Variants in SLC9A3 observed in about 807,000 individuals in gnomAD.
SLC9A3 encodes the protein sodium/hydrogen exchanger 3.
In SLC9A3, 37 loss-of-function variants were observed where a neutral mutation model predicts 86.8. The ratio of observed to expected loss-of-function variants is 0.43; its 90% CI spans 0.33 to 0.56. The LOEUF is 0.56. Among genes scored for constraint, SLC9A3 ranks in the 20% least tolerant of loss-of-function variants. The pLI is 0.06. For synonymous variants in SLC9A3, 581 were observed against 528.3 expected (o/e 1.10, Z -1.37); for missense variants, 1,011 against 1,171.9 (o/e 0.86, Z 2.00).
chr5:507,077 A>T (rs1488897348), intron 1 of SLC9A3, among the ~76,000 whole-genome samples: 11 of 126,672 alleles, frequency 8.7e-5, no homozygotes, highest in Non-Finnish European at 1.8e-4. Context: ...ACTGTCTCAA[A>T]AAATAAATAA....
Position 491,502 on chromosome 5 carries a change from A to T in SLC9A3, c.514+267T>A, listed in dbSNP as rs1739736812. 6.6e-6 allele frequency among the ~76,000 whole-genome samples: 1 copy of T among 151,978 alleles called. No homozygotes were observed. The highest frequency in any genetic ancestry group is 1.5e-5 in the Non-Finnish European group (1 of 67,990). On this transcript the variant is annotated intron_variant, in intron 2 of 16. Coordinates refer to ENST00000264938, the MANE Select transcript of SLC9A3 (RefSeq NM_004174.4). This position sits in a 1 kb window ranked among gnomAD's most constrained non-coding sequence, Gnocchi z 9.2. The stretch of plus-strand genomic sequence containing the variant: ...TACCTCTGCCCAGTGCCGGAGGAAG[A>T]GCGGCAGCCCCTGGCCACCTGCAGC...
At chr5:501,523 G>A (rs995658615) in intron 1 of SLC9A3, among the ~76,000 whole-genome samples, 1 of 152,186 alleles carries the variant, frequency 6.6e-6, no homozygotes, top group African/African-American at 2.4e-5. Flanking sequence ...TCCACAGGCA[G>A]GCGCAGACAC....
chr5:521,758 G>A (rs36124859), intron 1 of SLC9A3, among the ~76,000 whole-genome samples: 130 of 152,318 alleles, frequency 8.5e-4, no homozygotes, highest in Non-Finnish European at 1.5e-3. Flanking sequence ...TGAAGGCCTG[G>A]ACCTGAGGGT....
At chr5:498,240 C>T (rs1318431449) in intron 1 of SLC9A3, among the ~76,000 whole-genome samples, 1 of 152,066 alleles carries the variant, frequency 6.6e-6, no homozygotes, top group Admixed American at 6.5e-5. Flanking sequence ...TGAACGCCCC[C>T]GTTCCACTTC....
chr5:483,879 C>T (rs112928323), intron 5 of SLC9A3, among the ~76,000 whole-genome samples: 3,182 of 152,360 alleles, frequency 0.021, 113 homozygotes, highest in African/African-American at 0.073. Context: ...AGCCTGGGAG[C>T]GCCAGCGGAG....
At position 475,074 on chromosome 5, in the gene SLC9A3, C is replaced by T. The variant is rs1168302966; in HGVS notation, c.2310G>A (p.Arg770=). The T allele has an allele frequency of 1.2e-6, 2 of 1,611,634 alleles. No homozygotes were observed. Among genetic ancestry groups the T allele is most frequent in the Admixed American group, 1.7e-5 (1 of 59,958 alleles). The part of the protein sequence containing the change: ...DEALDRSLLA[R]LPPWLSPGET... ...CCCCGGGAGACAGCCAGGGCGGCAG[C>T]CTGGCCAGGAGGCTGCGGTCCAGGG... is the stretch of plus-strand genomic sequence containing the variant. The change falls in exon 16 of 17, where the codon AGG becomes AGA. Residue 770 remains arginine, a synonymous_variant. Coordinates refer to ENST00000264938, the MANE Select transcript of SLC9A3 (RefSeq NM_004174.4).
At chr5:509,478 G>A (rs2126649450) in intron 1 of SLC9A3, among the ~76,000 whole-genome samples, 1 of 139,470 alleles carries the variant, frequency 7.2e-6, no homozygotes, top group South Asian at 2.4e-4. Context: ...AGGGAAGGAG[G>A]GAGGGAGGGA....
intron 1 of SLC9A3, among the ~76,000 whole-genome samples, chr5:510,817 G>A (rs981217711): frequency 6.6e-6 from 1 of 152,172 alleles, no homozygotes; most frequent in African/African-American, 2.4e-5. Context: ...TGCAGGGGTG[G>A]GCGGGAAGAT....
chr5:488,956 C>T (rs111275646), intron 2 of SLC9A3, among the ~76,000 whole-genome samples: 16,809 of 152,122 alleles, frequency 0.11, 1,231 homozygotes, highest in Non-Finnish European at 0.15. Context: ...AGCAGGGCTG[C>T]GGTGGGAGCA....
At chr5:489,725 C>T (rs1473437813) in intron 2 of SLC9A3, among the ~76,000 whole-genome samples, 1 of 152,204 alleles carries the variant, frequency 6.6e-6, no homozygotes, top group Non-Finnish European at 1.5e-5. Flanking sequence ...CCTTCAAGGT[C>T]ATCTTTAAAC....
chr5:513,559 G>A (rs560060540), intron 1 of SLC9A3, among the ~76,000 whole-genome samples: 39 of 152,152 alleles, frequency 2.6e-4, no homozygotes, highest in African/African-American at 9.2e-4. Context: ...CAGAGAACGC[G>A]TCAGCCCCAT....
chr5:486,196 G>C (rs538319650), intron 3 of SLC9A3, among the ~76,000 whole-genome samples: 4 of 152,102 alleles, frequency 2.6e-5, no homozygotes, highest in Non-Finnish European at 5.9e-5. Context: ...CCTTCCCTCC[G>C]GCTGCGTCTG....
intron 1 of SLC9A3, among the ~76,000 whole-genome samples, chr5:494,008 G>A (rs1353274739): frequency 2.0e-5 from 3 of 152,352 alleles, no homozygotes; most frequent in Non-Finnish European, 2.9e-5. Context: ...TGGGGAACAC[G>A]GAGGGTGAGC....
Position 476,617 on chromosome 5 carries a change from G to C in SLC9A3, c.1816C>G (p.Arg606Gly). Reference sequence around the variant, plus strand: ...ATGTCCTCCGCGTCCCGGATGCTCCGCCGTCGCTGCTCCAGAGACTGCATG... The same window carrying C: ...ATGTCCTCCGCGTCCCGGATGCTCCCCCGTCGCTGCTCCAGAGACTGCATG... ...LDMQSLEQRRRSIRDAEDMVT... is the reference protein window; with the variant it reads ...LDMQSLEQRRGSIRDAEDMVT... Residue 606 changes from arginine (R) to glycine (G), a missense_variant, in exon 12 of 17, where the codon CGG (arginine) becomes GGG (glycine). Arg to Gly is a moderately radical substitution (Grantham distance 125). Around this residue, in one of 3 missense-constraint regions of SLC9A3, gnomAD observed 397 missense variants for 346.3 expected, o/e 1.15. Coordinates refer to ENST00000264938, the MANE Select transcript of SLC9A3 (RefSeq NM_004174.4). 1 of 1,609,536 alleles carries C rather than the reference G, an allele frequency of 6.2e-7. No homozygotes were observed. The highest frequency in any genetic ancestry group is 8.5e-7 in the Non-Finnish European group (1 of 1,179,878).
At chr5:487,604 G>A (rs1739531564) in intron 3 of SLC9A3, among the ~76,000 whole-genome samples, 1 of 152,064 alleles carries the variant, frequency 6.6e-6, no homozygotes, top group Non-Finnish European at 1.5e-5. Context: ...CTGCACCTGC[G>A]GTACTTTGTC....
At chr5:481,414 A>ACACCTGG in intron 9 of SLC9A3, 151 bp downstream of exon 9, 1 of 728,420 alleles carries the variant, frequency 1.4e-6, no homozygotes. Flanking sequence ...GTCTCGGGGC[A>ACACCTGG]CACCTGGCAC....
intron 16 of SLC9A3, 82 bp from the exon 17 acceptor site, chr5:473,464 C>A: frequency 8.4e-7 from 1 of 1,196,578 alleles, no homozygotes; most frequent in Non-Finnish European, 1.1e-6. Flanking sequence ...TCAGCTGTCC[C>A]CGAGCCCGGC....
At chr5:475,443 AC>A (rs1560948030) in intron 15 of SLC9A3, 117 bp downstream of exon 15, 4 of 673,616 alleles carry the variant, frequency 5.9e-6, no homozygotes, top group African/African-American at 5.4e-5. Flanking sequence ...GCCCTTGAGA[AC>A]CCACAGGAGA....
intron 1 of SLC9A3, among the ~76,000 whole-genome samples, chr5:506,321 G>A (rs947664019): frequency 2.6e-5 from 4 of 152,192 alleles, no homozygotes; most frequent in Admixed American, 6.5e-5. Flanking sequence ...GGCTGGAGAC[G>A]CGCGGAACCC....
Sources: allele counts gnomAD v4.1 joint callset (sites outside exome capture counted in the v4.1 genomes callset), GRCh38; gene constraint gnomAD v4.1.1; regional missense constraint gnomAD v4.1.1; non-coding constraint Gnocchi (gnomAD v3.1); transcripts MANE v1.5; gene names NCBI Gene and HGNC (gene_info 2026-07-23, HGNC 2026-07-21).